Variants in RRN3 observed in about 807,000 individuals in gnomAD.
RRN3 encodes the protein RNA polymerase I transcription factor RRN3.
RRN3 carries 38 observed loss-of-function variants against 82.3 expected under a neutral mutation model. The observed-to-expected ratio is 0.46, with a 90% CI of 0.36 to 0.61. The LOEUF is 0.61. Ranked by LOEUF, RRN3 falls within the 20% of genes least tolerant of loss-of-function variation. RRN3 has a pLI of 0.00. For missense variants in RRN3, 726 were observed against 793.1 expected (o/e 0.92, Z 1.02); for synonymous variants, 284 against 284.3 (o/e 1.00, Z 0.01).
chr16:15,082,804 G>C (rs977603642), intron 8 of RRN3, among the ~76,000 whole-genome samples: 2 of 151,898 alleles, frequency 1.3e-5, no homozygotes, highest in African/African-American at 4.8e-5. Flanking sequence ...ATTAAAAACT[G>C]CACAGATGAT....
Position 15,068,342 on chromosome 16 carries a change from T to C in RRN3, c.1445-65A>G, listed in dbSNP as rs2045068663. 7.3e-6 allele frequency: 11 copies of C among 1,511,204 alleles called. No homozygotes were observed. In the South Asian group the frequency reaches 1.4e-4, roughly 19 times the overall value. The allele number at this position is 1,511,204 out of a possible 1,614,324, so 93.6% of individuals were successfully genotyped here. On this transcript the variant is annotated intron_variant, in intron 14 of 17. Coordinates refer to ENST00000198767, the MANE Select transcript of RRN3 (RefSeq NM_018427.5). Reference sequence around the variant, plus strand: ...AATAAGTGAAAAGTGTAAGATACTTTTAAAAGCACAAATTATCACACATTT... The same window carrying C: ...AATAAGTGAAAAGTGTAAGATACTTCTAAAAGCACAAATTATCACACATTT...
chr16:15,092,306 A>G (rs1339747320), intron 2 of RRN3, among the ~76,000 whole-genome samples: 1 of 152,200 alleles, frequency 6.6e-6, no homozygotes, highest in Non-Finnish European at 1.5e-5. Flanking sequence ...CTCTCTCATT[A>G]TTACCTGTGA....
chr16:15,070,664 T>C (rs2151774373), intron 13 of RRN3, among the ~76,000 whole-genome samples: 1 of 152,248 alleles, frequency 6.6e-6, no homozygotes, highest in Non-Finnish European at 1.5e-5. Context: ...GTGAATAATT[T>C]TGTGGTTGGG....
chr16:15,071,642 C>T (rs913514752), intron 12 of RRN3, among the ~76,000 whole-genome samples: 1 of 152,190 alleles, frequency 6.6e-6, no homozygotes, highest in African/African-American at 2.4e-5. Context: ...GTGGCAGGTG[C>T]CTGTAATCCC....
Position 15,070,264 on chromosome 16 carries a change from A to T in RRN3, c.1260-10T>A, listed in dbSNP as rs757249640. ...GCATGATTTTACAGTACTAGAGAAA[A>T]GAAAAATTCAAGTCAACTTTACACA... On this transcript the variant is annotated splice_polypyrimidine_tract_variant and intron_variant, in intron 13 of 17. Transcript: ENST00000198767. 1.9e-6 allele frequency: 3 copies of T among 1,611,668 alleles called. No individual in the cohort carries two copies. Among genetic ancestry groups the T allele is most frequent in the Non-Finnish European group, 2.5e-6 (3 of 1,179,822 alleles).
At position 15,062,299 on chromosome 16, in the gene RRN3, G is replaced by C. The variant is rs140829433; in HGVS notation, c.1795-394C>G. Among the ~76,000 whole-genome samples, 1,380 of 152,206 alleles carry C rather than the reference G, an allele frequency of 9.1e-3. 25 individuals carry two copies. The highest frequency in any genetic ancestry group is 0.032 in the African/African-American group (1,315 of 41,502). Reference sequence around the variant, plus strand: ...GCTCAATGGGGACAGGAAACATGACGAGTCATTCTTGCCCAGTGTTAGGAA... The same window carrying C: ...GCTCAATGGGGACAGGAAACATGACCAGTCATTCTTGCCCAGTGTTAGGAA... On this transcript the variant is annotated intron_variant, in intron 17 of 17. Transcript: ENST00000198767.
At chr16:15,079,891 C>T (rs1265777701) in intron 9 of RRN3, 107 bp downstream of exon 9, 1 of 1,293,484 alleles carries the variant, frequency 7.7e-7, no homozygotes, top group Non-Finnish European at 1.1e-6. Flanking sequence ...GTCACCACGC[C>T]TGGCCAAGTG....
In RRN3 at chr16:15,065,389, A is replaced by C; in HGVS notation, c.1554-18T>G. The stretch of plus-strand genomic sequence containing the variant: ...GGTACTTACTGTGGAACAAAAAAAC[A>C]ACACAGACAGAGGCATTAACATGCT... On this transcript the variant is annotated intron_variant, in intron 15 of 17. Coordinates refer to ENST00000198767, the MANE Select transcript of RRN3 (RefSeq NM_018427.5). 4 of 1,610,302 alleles carry C rather than the reference A, an allele frequency of 2.5e-6. No individual in the cohort carries two copies. The highest frequency in any genetic ancestry group is 3.4e-6 in the Non-Finnish European group (4 of 1,177,118).
intron 15 of RRN3, 150 bp from the exon 16 acceptor site, chr16:15,065,521 TAAC>T (rs2044931899): frequency 1.6e-6 from 1 of 622,726 alleles, no homozygotes; most frequent in Non-Finnish European, 2.8e-6. Flanking sequence ...AAGCAGAAAG[TAAC>T]ACTTTTAGGG....
chr16:15,073,882 T>C (rs983880471), intron 11 of RRN3, among the ~76,000 whole-genome samples: 1 of 152,114 alleles, frequency 6.6e-6, no homozygotes, highest in Non-Finnish European at 1.5e-5. Context: ...TTGGCCTAAG[T>C]GCTGGGATTC....
Position 15,083,501 on chromosome 16 carries a change from A to G in RRN3, c.666+12T>C. ...ACTTTTCCATGATGTTCTCAATGAA[A>G]AGATTTCTTACCAGTGTTCTCTCTG... On this transcript the variant is annotated intron_variant, in intron 8 of 17. Coordinates refer to ENST00000198767, the MANE Select transcript of RRN3 (RefSeq NM_018427.5). The G allele has an allele frequency of 6.2e-7, 1 of 1,608,690 alleles. No individual in the cohort carries two copies. The highest frequency in any genetic ancestry group is 8.5e-7 in the Non-Finnish European group (1 of 1,178,972).
chr16:15,065,717 T>C (rs2044941330), intron 15 of RRN3, among the ~76,000 whole-genome samples: 1 of 152,182 alleles, frequency 6.6e-6, no homozygotes, highest in Non-Finnish European at 1.5e-5. Flanking sequence ...TTAGATTACG[T>C]AACTATAGGT....
At chr16:15,081,992 T>G (rs1400237631) in intron 8 of RRN3, among the ~76,000 whole-genome samples, 4 of 152,348 alleles carry the variant, frequency 2.6e-5, no homozygotes, top group African/African-American at 9.6e-5. Flanking sequence ...AACTCATTTA[T>G]TATCTCTAAA....
At chr16:15,071,918 T>C (rs1317085360) in intron 12 of RRN3, among the ~76,000 whole-genome samples, 1 of 152,082 alleles carries the variant, frequency 6.6e-6, no homozygotes, top group East Asian at 1.9e-4. Context: ...ATAATTCACA[T>C]CCCATGGAGC....
rs145357380 is a variant in RRN3 at position 15,060,234 on chromosome 16, G to A, written c.*1510C>T. 6.5e-5 allele frequency: 23 copies of A among 351,336 alleles called. No individual in the cohort carries two copies. The East Asian group carries it at 1.7e-3, about 25-fold the overall frequency. The allele number at this position is 351,336 out of a possible 1,614,324, so 21.8% of individuals were successfully genotyped here. ...AATTTCTGGGGAATTTCGTTTACTCGTTTTATCTAATATTAAAAAATCAAC... is the reference window on the plus strand; with the variant it reads ...AATTTCTGGGGAATTTCGTTTACTCATTTTATCTAATATTAAAAAATCAAC... On this transcript the variant is annotated 3_prime_UTR_variant, in exon 18 of 18. Transcript: ENST00000198767.
intron 12 of RRN3, 96 bp from the exon 13 acceptor site, chr16:15,071,347 A>G: frequency 8.8e-7 from 1 of 1,139,122 alleles, no homozygotes; most frequent in Non-Finnish European, 1.3e-6. Flanking sequence ...ATGTAGGGAA[A>G]AGTTCTACTA....
chr16:15,084,618 C>G (rs760366048), intron 7 of RRN3, 24 bp downstream of exon 7: 1 of 1,517,076 alleles, frequency 6.6e-7, no homozygotes, highest in Non-Finnish European at 9.1e-7. Context: ...ATTAAACATT[C>G]AAAATAAGGA....
At chr16:15,089,827 G>A (rs920866618) in intron 3 of RRN3, among the ~76,000 whole-genome samples, 2 of 146,554 alleles carry the variant, frequency 1.4e-5, no homozygotes, top group Non-Finnish European at 3.0e-5. Context: ...TAAAGGATCA[G>A]GAGACAGGAG....
intron 3 of RRN3, among the ~76,000 whole-genome samples, chr16:15,091,098 T>G (rs1339023235): frequency 6.6e-6 from 1 of 152,036 alleles, no homozygotes; most frequent in East Asian, 1.9e-4. Context: ...TAGATGCCAG[T>G]AGCACCCTTT....
Sources: allele counts gnomAD v4.1 joint callset (sites outside exome capture counted in the v4.1 genomes callset), GRCh38; gene constraint gnomAD v4.1.1; transcripts MANE v1.5; gene names NCBI Gene and HGNC (gene_info 2026-07-23, HGNC 2026-07-21).